Variants in MSRB3 observed in about 807,000 individuals in gnomAD.
MSRB3 encodes methionine-R-sulfoxide reductase B3.
Under a neutral mutation model 21.0 loss-of-function variants are expected in MSRB3, and 13 were observed. That is an observed-to-expected ratio of 0.62 (90% CI 0.40 to 0.98). The LOEUF (loss-of-function observed/expected upper bound fraction) is 0.98, where lower values mean the gene tolerates loss of function less well. Among genes scored for constraint, MSRB3 ranks in the 50% least tolerant of loss-of-function variants. MSRB3 has a pLI of 0.00. For missense variants in MSRB3, 199 were observed against 230.3 expected (o/e 0.86, Z 0.88); for synonymous variants, 87 against 88.6 (o/e 0.98, Z 0.10).
At chr12:65,386,054 T>C (rs747681487) in intron 5 of MSRB3, among the ~76,000 whole-genome samples, 1 of 151,950 alleles carries the variant, frequency 6.6e-6, no homozygotes, top group Non-Finnish European at 1.5e-5. Flanking sequence ...TCTACTTACT[T>C]AAAAATCATT....
At chr12:65,409,430 A>T (rs1471479589) in intron 5 of MSRB3, among the ~76,000 whole-genome samples, 1 of 152,134 alleles carries the variant, frequency 6.6e-6, no homozygotes, top group Non-Finnish European at 1.5e-5. Context: ...CACAGTGTTA[A>T]GTATTTGTGT....
chr12:65,397,182 C>T (rs1397099564), intron 5 of MSRB3, among the ~76,000 whole-genome samples: 1 of 152,162 alleles, frequency 6.6e-6, no homozygotes, highest in Admixed American at 6.5e-5. Context: ...ACAACTACTT[C>T]AGCTATCTTT....
chr12:65,354,345 C>T (rs1201277698), intron 4 of MSRB3, among the ~76,000 whole-genome samples: 6 of 152,040 alleles, frequency 3.9e-5, no homozygotes, highest in South Asian at 2.1e-4. Flanking sequence ...CCATTCTTCC[C>T]GTCACTTTCA....
chr12:65,343,070 TACAA>T (rs1244079955), intron 4 of MSRB3, among the ~76,000 whole-genome samples: 1 of 152,120 alleles, frequency 6.6e-6, no homozygotes, highest in Admixed American at 6.6e-5. Context: ...CTCAATGTGT[TACAA>T]ACACTGAACA....
chr12:65,363,579 A>T (rs1877832698), intron 4 of MSRB3, among the ~76,000 whole-genome samples: 1 of 152,144 alleles, frequency 6.6e-6, no homozygotes, highest in African/African-American at 2.4e-5. Flanking sequence ...CATGTTTAAA[A>T]ATTTGGAAGT....
intron 2 of MSRB3, among the ~76,000 whole-genome samples, chr12:65,312,961 A>G (rs535064994): frequency 8.2e-4 from 123 of 150,878 alleles, no homozygotes; most frequent in Non-Finnish European, 1.4e-3. Context: ...TTGTCTGACA[A>G]TTTTTTCTCA....
At chr12:65,440,234 G>A (rs1361666915) in intron 5 of MSRB3, among the ~76,000 whole-genome samples, 1 of 151,792 alleles carries the variant, frequency 6.6e-6, no homozygotes, top group Non-Finnish European at 1.5e-5. Context: ...GATACTGTAT[G>A]TATAATTCAG....
At chr12:65,355,221 C>T (rs967758493) in intron 4 of MSRB3, among the ~76,000 whole-genome samples, 1 of 151,586 alleles carries the variant, frequency 6.6e-6, no homozygotes, top group African/African-American at 2.4e-5. Flanking sequence ...TTCAGTATTC[C>T]GTTTTTTGGA....
At chr12:65,351,799 G>T (rs550096988) in intron 4 of MSRB3, among the ~76,000 whole-genome samples, 105 of 151,806 alleles carry the variant, frequency 6.9e-4, no homozygotes, top group African/African-American at 2.5e-3. Flanking sequence ...AATAATAGGA[G>T]CTGAAATTGT....
rs916462879 is a variant in MSRB3, at chr12:65,378,994, C to T, written c.292+9968C>T. Reference sequence around the variant, plus strand: ...CTAAAGCTAGATATCTTTGAGAAGTCGAATCAAAATGGAGGATTGCTGTTG... The same window carrying T: ...CTAAAGCTAGATATCTTTGAGAAGTTGAATCAAAATGGAGGATTGCTGTTG... On this transcript the variant is annotated intron_variant, in intron 5 of 6. Coordinates refer to ENST00000308259, the MANE Select transcript of MSRB3 (RefSeq NM_001031679.3). Among the ~76,000 whole-genome samples, 5 of 152,202 alleles carry T rather than the reference C, an allele frequency of 3.3e-5. No individual in the cohort carries two copies. In the South Asian group the frequency reaches 6.2e-4, roughly 19 times the overall value.
At chr12:65,459,940 G>A (rs903250963) in intron 6 of MSRB3, among the ~76,000 whole-genome samples, 4 of 152,156 alleles carry the variant, frequency 2.6e-5, no homozygotes, top group Non-Finnish European at 4.4e-5. Flanking sequence ...TTCTGAGTGG[G>A]AGGCTTAGGT....
chr12:65,372,674 T>C (rs1387003850), intron 5 of MSRB3, among the ~76,000 whole-genome samples: 1 of 152,212 alleles, frequency 6.6e-6, no homozygotes, highest in Non-Finnish European at 1.5e-5. Flanking sequence ...AAGCAGAGCA[T>C]TGAGTTTAAT....
intron 6 of MSRB3, among the ~76,000 whole-genome samples, chr12:65,455,964 C>T (rs549743623): frequency 4.6e-5 from 7 of 152,164 alleles, no homozygotes; most frequent in African/African-American, 1.4e-4. Context: ...CTTGAACTCC[C>T]GAGCTCAAGT....
At chr12:65,301,874 G>T (rs2136412528) in intron 1 of MSRB3, among the ~76,000 whole-genome samples, 1 of 152,204 alleles carries the variant, frequency 6.6e-6, no homozygotes, top group Non-Finnish European at 1.5e-5. Context: ...TTGATTGCAG[G>T]AGCAGAGATG....
At chr12:65,280,340 A>G (rs1871936587) in intron 1 of MSRB3, among the ~76,000 whole-genome samples, 1 of 152,220 alleles carries the variant, frequency 6.6e-6, no homozygotes, top group African/African-American at 2.4e-5. Context: ...TGGGAAATAC[A>G]ACAGGTTCTA....
At chr12:65,362,129 G>C (rs1045700662) in intron 4 of MSRB3, among the ~76,000 whole-genome samples, 3 of 152,288 alleles carry the variant, frequency 2.0e-5, no homozygotes, top group East Asian at 3.9e-4. Context: ...GGACTCTAGA[G>C]AAAGGCAGGT....
chr12:65,344,756 C>A (rs1592544381), intron 4 of MSRB3, among the ~76,000 whole-genome samples: 2 of 152,038 alleles, frequency 1.3e-5, no homozygotes, highest in African/African-American at 4.8e-5. Context: ...GACTCAAAAC[C>A]ATGTCACTTT....
intron 5 of MSRB3, among the ~76,000 whole-genome samples, chr12:65,449,608 C>T (rs948123120): frequency 1.3e-5 from 2 of 152,154 alleles, no homozygotes; most frequent in African/African-American, 2.4e-5. Context: ...GGATTCATTG[C>T]GTTCAAACTT....
At chr12:65,396,704 AAAAG>A (rs752672139) in intron 5 of MSRB3, among the ~76,000 whole-genome samples, 4,861 of 53,688 alleles carry the variant, frequency 0.091, 114 homozygotes, top group Middle Eastern at 0.14. Flanking sequence ...AAAAAAAAAA[AAAAG>A]AAAGAAAGAA....
Sources: allele counts gnomAD v4.1 joint callset (sites outside exome capture counted in the v4.1 genomes callset), GRCh38; gene constraint gnomAD v4.1.1; transcripts MANE v1.5; gene names NCBI Gene and HGNC (gene_info 2026-07-23, HGNC 2026-07-21).